CA10: variants seen among roughly 807,000 people sequenced by gnomAD.
CA10 encodes carbonic anhydrase 10 (inactive).
CA10 carries 14 observed loss-of-function variants against 44.2 expected under a neutral mutation model. The ratio of observed to expected loss-of-function variants is 0.32; its 90% confidence interval spans 0.21 to 0.50. The LOEUF is 0.50. Among genes scored for constraint, CA10 ranks in the 20% least tolerant of loss-of-function variants. The probability of loss-of-function intolerance (pLI) is 0.99; values close to 1 mark genes in which losing one functional copy is unlikely to be tolerated. For missense variants in CA10, 350 were observed against 409.7 expected, an observed-to-expected ratio of 0.85 and a Z score of 1.26; for synonymous variants, 159 against 141.6, an observed-to-expected ratio of 1.12 and a Z score of -0.87.
chr17:51,631,351 C>T lies in CA10; in HGVS notation c.*233G>A. 1.8e-6 allele frequency: 1 copy of T among 571,166 alleles called. No homozygotes were observed. 35.4% of individuals were successfully genotyped at this position (571,166 alleles called of 1,614,324 possible). On this transcript the variant is annotated 3_prime_UTR_variant, in exon 9 of 9. Transcript: ENST00000451037. The stretch of plus-strand genomic sequence containing the variant: ...GTGTGTGTGTGTGTAGGTATGTTTG[C>T]ATGTGTTTGTATGTATGTGCAAGTG...
rs553152275 is a variant in CA10, at chr17:51,634,215, G to C, written c.790-565C>G. On this transcript the variant is annotated intron_variant, in intron 7 of 8. Transcript: ENST00000451037. ...TGTGTGGTGAGAAGAGGACAACAGAGAGAAAGCACTTCTGGGGTTCCCATT... is the reference window on the plus strand; with the variant it reads ...TGTGTGGTGAGAAGAGGACAACAGACAGAAAGCACTTCTGGGGTTCCCATT... Among the ~76,000 whole-genome samples, 24 of 152,334 alleles carry C rather than the reference G, an allele frequency of 1.6e-4. No individual in the cohort carries two copies. The South Asian group carries it at 5.0e-3, about 32-fold the overall frequency.
chr17:51,821,093 C>CTTCCTTCCTTCCTTCCT (rs1330010635), intron 3 of CA10, among the ~76,000 whole-genome samples: 6 of 126,434 alleles, frequency 4.7e-5, no homozygotes, highest in East Asian at 2.7e-4. Context: ...CCCTCCCTCC[C>CTTCCTTCCTTCCTTCCT]TTCCTTCCTT....
At chr17:51,986,883 C>A (rs1277341702) in intron 2 of CA10, among the ~76,000 whole-genome samples, 1 of 151,854 alleles carries the variant, frequency 6.6e-6, no homozygotes, top group Non-Finnish European at 1.5e-5. Flanking sequence ...ATGTGCTGAA[C>A]AGGGAACACT....
At chr17:52,000,489 A>G (rs1395492369) in intron 2 of CA10, among the ~76,000 whole-genome samples, 1 of 152,094 alleles carries the variant, frequency 6.6e-6, no homozygotes, top group Admixed American at 6.6e-5. Flanking sequence ...AATGGTAATT[A>G]CTATGCTTTA....
intron 4 of CA10, among the ~76,000 whole-genome samples, chr17:51,701,439 A>G (rs1915598458): frequency 6.6e-6 from 1 of 152,146 alleles, no homozygotes; most frequent in African/African-American, 2.4e-5. Flanking sequence ...ACTGCAACAT[A>G]GCTTTTTGGA....
chr17:51,927,786 C>G (rs1404897582), intron 3 of CA10, among the ~76,000 whole-genome samples: 1 of 152,134 alleles, frequency 6.6e-6, no homozygotes. Context: ...TCATTTATAT[C>G]ATAATCAAAC....
chr17:51,652,844 C>A (rs910540279), intron 5 of CA10, among the ~76,000 whole-genome samples: 2 of 152,180 alleles, frequency 1.3e-5, no homozygotes, highest in Non-Finnish European at 2.9e-5. Flanking sequence ...GCCAAAACAT[C>A]CCCAGGGGCT....
chr17:51,927,169 T>G (rs1982467917), intron 3 of CA10, among the ~76,000 whole-genome samples: 1 of 152,172 alleles, frequency 6.6e-6, no homozygotes, highest in East Asian at 1.9e-4. Flanking sequence ...TCCTACCTTT[T>G]ATACTTAATA....
intron 2 of CA10, among the ~76,000 whole-genome samples, chr17:52,050,257 TC>T (rs199705307): frequency 0.027 from 4,040 of 152,058 alleles, 72 homozygotes; most frequent in Admixed American, 0.045. Context: ...TGCTTTTTTT[TC>T]CCCCATTCAA....
rs187064731 is a variant in CA10 at position 52,103,802 on chromosome 17, G to A, written c.62-31409C>T. Among the ~76,000 whole-genome samples the A allele has an allele frequency of 5.9e-5, 9 of 152,234 alleles. No individual in the cohort carries two copies. The East Asian group carries it at 1.4e-3, about 23-fold the overall frequency. On this transcript the variant is annotated intron_variant, in intron 1 of 8. Coordinates refer to ENST00000451037, the MANE Select transcript of CA10 (RefSeq NM_020178.5). The stretch of plus-strand genomic sequence containing the variant: ...TTCATAGCCCAAGTTTCTCCTTACC[G>A]CAAGAGGCAGTCCCCCCAGCACTTG...
At chr17:52,150,502 T>G (rs1430250806) in intron 1 of CA10, among the ~76,000 whole-genome samples, 1 of 152,196 alleles carries the variant, frequency 6.6e-6, no homozygotes, top group Non-Finnish European at 1.5e-5. Context: ...AAATGTTGAA[T>G]GATTAAGTGG....
At chr17:51,903,637 T>C (rs1981415971) in intron 3 of CA10, among the ~76,000 whole-genome samples, 1 of 152,128 alleles carries the variant, frequency 6.6e-6, no homozygotes, top group Non-Finnish European at 1.5e-5. Context: ...CTGATTATAC[T>C]CTTTCTAATT....
chr17:52,080,022 C>A (rs1033041550), intron 1 of CA10, among the ~76,000 whole-genome samples: 2 of 152,138 alleles, frequency 1.3e-5, no homozygotes, highest in Non-Finnish European at 2.9e-5. Context: ...ATGGGTATGA[C>A]CTAGAATCAC....
intron 2 of CA10, among the ~76,000 whole-genome samples, chr17:52,037,794 T>C (rs554724889): frequency 3.3e-5 from 5 of 152,268 alleles, no homozygotes; most frequent in Non-Finnish European, 7.4e-5. Context: ...CCTTTGGTCA[T>C]CCTGCTCCCT....
At chr17:51,656,416 T>G (rs909029398) in intron 4 of CA10, among the ~76,000 whole-genome samples, 1 of 152,188 alleles carries the variant, frequency 6.6e-6, no homozygotes, top group Admixed American at 6.5e-5. Context: ...CATTTAAAAC[T>G]TTGATCTGAA....
intron 1 of CA10, among the ~76,000 whole-genome samples, chr17:52,134,641 C>G (rs1989310902): frequency 6.6e-6 from 1 of 152,148 alleles, no homozygotes; most frequent in Admixed American, 6.5e-5. Context: ...CCCTGGCATA[C>G]TCTCTGGGAG....
intron 1 of CA10, among the ~76,000 whole-genome samples, chr17:52,088,576 A>G (rs1275720211): frequency 6.6e-6 from 1 of 152,186 alleles, no homozygotes; most frequent in African/African-American, 2.4e-5. Context: ...TGTACATCAA[A>G]GACAGATTAT....
chr17:51,693,450 G>A (rs551351866), intron 4 of CA10, among the ~76,000 whole-genome samples: 3 of 152,220 alleles, frequency 2.0e-5, no homozygotes, highest in South Asian at 4.2e-4. Context: ...CCAAGGTACT[G>A]AGCATAGCAC....
chr17:51,903,393 T>A (rs1011505913), intron 3 of CA10, among the ~76,000 whole-genome samples: 1 of 152,176 alleles, frequency 6.6e-6, no homozygotes, highest in Non-Finnish European at 1.5e-5. Context: ...CGCTTCCTTT[T>A]CCTCCTTCAC....
Sources: allele counts gnomAD v4.1 joint callset (sites outside exome capture counted in the v4.1 genomes callset), GRCh38; gene constraint gnomAD v4.1.1; transcripts MANE v1.5; gene names NCBI Gene and HGNC (gene_info 2026-07-23, HGNC 2026-07-21).